The following WNT5B variants were observed in gnomAD, a reference collection of about 807,000 sequenced individuals.
WNT5B encodes protein Wnt-5b.
WNT5B carries 18 observed loss-of-function variants against 36.5 expected under a neutral mutation model. That is an observed-to-expected ratio of 0.49 (90% CI 0.34 to 0.73). WNT5B has a LOEUF of 0.73. Among genes scored for constraint, WNT5B ranks in the 30% least tolerant of loss-of-function variants. The pLI is 0.01. For missense variants in WNT5B, 424 were observed against 508.4 expected (o/e 0.83, Z 1.60); for synonymous variants, 213 against 212.3 (o/e 1.00, Z -0.03).
In WNT5B at chr12:1,644,903, CAGCTG is replaced by C. The variant is rs1348155636; in HGVS notation, c.622-890_622-886del. 4 of 152,216 alleles carry C rather than the reference CAGCTG, an allele frequency of 2.6e-5. No individual in the cohort carries two copies. The highest frequency in any genetic ancestry group is 6.5e-5 in the Admixed American group (1 of 15,284). 9.4% of individuals were successfully genotyped at this position (152,216 alleles called of 1,614,324 possible). On this transcript the variant is annotated intron_variant, in intron 4 of 4. Coordinates refer to ENST00000397196, the MANE Select transcript of WNT5B (RefSeq NM_032642.3). This position sits in a 1 kb window ranked among gnomAD's most constrained non-coding sequence, Gnocchi z 5.1. ...GATGAACCGCTCCTGCAGGCAGGCC[CAGCTG>C]CTTGCAGTTCCCTTGCACGTTGCTT...
Position 1,630,369 on chromosome 12 carries a change from C to CT in WNT5B, c.-57-928dup, listed in dbSNP as rs528892621. 1 of 447,604 alleles carries CT rather than the reference C, an allele frequency of 2.2e-6. No homozygotes were observed. Among genetic ancestry groups the CT allele is most frequent in the Non-Finnish European group, 3.0e-6 (1 of 338,102 alleles). 27.7% of individuals were successfully genotyped at this position (447,604 alleles called of 1,614,324 possible). On this transcript the variant is annotated intron_variant, in intron 1 of 4. Transcript: ENST00000397196. This position sits in a 1 kb window ranked among gnomAD's most constrained non-coding sequence, Gnocchi z 5.3. ...ACTGACCTGCTGCGGGTCCCAGGGC[C>CT]TGGGGACAGGGGCTCTCGGGGGCGG...
intron 3 of WNT5B, among the ~76,000 whole-genome samples, chr12:1,637,891 T>C (rs1038783457): frequency 2.0e-5 from 3 of 152,280 alleles, no homozygotes; most frequent in East Asian, 3.9e-4. Context: ...AGTAAGTACA[T>C]GCTGTTGGAA....
chr12:1,637,581 CA>C (rs61542245), intron 3 of WNT5B, among the ~76,000 whole-genome samples: 81,433 of 110,332 alleles, frequency 0.74, 28,733 homozygotes, highest in East Asian at 0.92. Context: ...ACTAAACATA[CA>C]AAAAAAAAAA....
intron 3 of WNT5B, among the ~76,000 whole-genome samples, chr12:1,638,990 A>G (rs2094567465): frequency 6.6e-6 from 1 of 152,106 alleles, no homozygotes; most frequent in African/African-American, 2.4e-5. Context: ...CCTTAGCCTC[A>G]TTCTGTTCGA....
chr12:1,635,040 C>A (rs1296861149), intron 3 of WNT5B, among the ~76,000 whole-genome samples: 1 of 152,210 alleles, frequency 6.6e-6, no homozygotes, highest in East Asian at 1.9e-4. Flanking sequence ...CATTCTGAAG[C>A]CCCGAATTAT....
chr12:1,642,037 T>C (rs2094576407), intron 4 of WNT5B, among the ~76,000 whole-genome samples: 1 of 152,216 alleles, frequency 6.6e-6, no homozygotes, highest in Admixed American at 6.5e-5. Context: ...GCTATTTTTG[T>C]TTCCCAGAAA....
intron 1 of WNT5B, 65 bp downstream of exon 1, chr12:1,629,436 G>A (rs2094545982): frequency 6.5e-6 from 1 of 152,688 alleles, no homozygotes; most frequent in African/African-American, 2.4e-5. Flanking sequence ...CTATCTGGTG[G>A]TGGAAATGTG....
upstream of WNT5B, among the ~76,000 whole-genome samples, chr12:1,626,314 A>T (rs982907297): frequency 2.3e-4 from 35 of 150,106 alleles, no homozygotes; most frequent in Non-Finnish European, 4.6e-4. Context: ...CCCAGGCTGG[A>T]GTGCAATGGC....
chr12:1,643,006 C>G (rs2094578357), intron 4 of WNT5B, among the ~76,000 whole-genome samples: 1 of 152,308 alleles, frequency 6.6e-6, no homozygotes, highest in African/African-American at 2.4e-5. Flanking sequence ...ACACAAAGTT[C>G]TCCAGCAAGG....
At chr12:1,628,407 C>T (rs1480374760), upstream of WNT5B, among the ~76,000 whole-genome samples, 3 of 152,194 alleles carry the variant, frequency 2.0e-5, no homozygotes, top group Admixed American at 6.5e-5. Flanking sequence ...ATCTGCCCAC[C>T]TTGGCCCCCC....
upstream of WNT5B, among the ~76,000 whole-genome samples, chr12:1,625,953 G>T (rs934086193): frequency 6.7e-6 from 1 of 149,848 alleles, no homozygotes; most frequent in Non-Finnish European, 1.5e-5. Flanking sequence ...ATGAGCCACC[G>T]CACCCTGCCT....
rs575336175 is a variant in WNT5B at position 1,630,290 on chromosome 12, C to T, written c.-58+919C>T. 1.6e-5 allele frequency: 15 copies of T among 950,522 alleles called. No homozygotes were observed. Among genetic ancestry groups the T allele is most frequent in the Non-Finnish European group, 1.9e-5 (15 of 798,104 alleles). 58.9% of individuals were successfully genotyped at this position (950,522 alleles called of 1,614,324 possible). A position where few individuals can be genotyped will look rare whatever the true frequency, so the allele number is the denominator to read the frequency against. ...CGCCCAGACGGGGGCCCCGGAGGAC[C>T]GCGGGGGAGCCGCAGGGGCCGTGTG... is the stretch of plus-strand genomic sequence containing the variant. On this transcript the variant is annotated intron_variant, in intron 1 of 4. Coordinates refer to ENST00000397196, the MANE Select transcript of WNT5B (RefSeq NM_032642.3). The surrounding 1 kb of genome is among the most constrained non-coding windows in gnomAD (Gnocchi z 5.3).
chr12:1,635,494 T>C (rs1289126242), intron 3 of WNT5B, among the ~76,000 whole-genome samples: 1 of 152,226 alleles, frequency 6.6e-6, no homozygotes, highest in Non-Finnish European at 1.5e-5. Flanking sequence ...GTATTTCAGC[T>C]TAATACAAGA....
Position 1,633,310 on chromosome 12 carries a change from T to C in WNT5B, c.328+405T>C, listed in dbSNP as rs2094554578. ...GGTAGAGAACCAGAAATTGCAGCCC[T>C]GAATGTCTGTTGGATTTTTGCCTCT... On this transcript the variant is annotated intron_variant, in intron 3 of 4. Coordinates refer to ENST00000397196, the MANE Select transcript of WNT5B (RefSeq NM_032642.3). This position sits in a 1 kb window ranked among gnomAD's most constrained non-coding sequence, Gnocchi z 4.8. 6.6e-6 allele frequency among the ~76,000 whole-genome samples: 1 copy of C among 152,206 alleles called. No homozygotes were observed. The highest frequency in any genetic ancestry group is 6.5e-5 in the Admixed American group (1 of 15,274).
intron 3 of WNT5B, among the ~76,000 whole-genome samples, chr12:1,636,446 C>T (rs1469063505): frequency 2.1e-5 from 3 of 141,052 alleles, no homozygotes; most frequent in Non-Finnish European, 3.0e-5. Flanking sequence ...CCTTTGGTGA[C>T]GGGCTCCTTT....
In WNT5B at chr12:1,623,187, G is replaced by GTTGTTTTT. The variant is rs1555156806; in HGVS notation, c.-58+6046_-58+6047insGTTTTTTT. On this transcript the variant is annotated intron_variant, in intron 1 of 4. Transcript: ENST00000310594. ...GGAAACCTTTGAAGGGTTTTTTGTTGTTTTTTTTTTTTTTTTTTTTTTTTT... is the reference window on the plus strand; with the variant it reads ...GGAAACCTTTGAAGGGTTTTTTGTTGTTGTTTTTTTTTTTTTTTTTTTTTTTTTTTTTT... Among the ~76,000 whole-genome samples the GTTGTTTTT allele has an allele frequency of 6.3e-4, 37 of 58,382 alleles. 2 individuals carry two copies. Among genetic ancestry groups the GTTGTTTTT allele is most frequent in the African/African-American group, 2.7e-3 (37 of 13,902 alleles). 38.3% of individuals were successfully genotyped at this position (58,382 alleles called of 152,430 possible). A position where few individuals can be genotyped will look rare whatever the true frequency, so the allele number is the denominator to read the frequency against.
chr12:1,620,299 A>G (rs980342191), intron 1 of WNT5B, among the ~76,000 whole-genome samples: 1 of 152,186 alleles, frequency 6.6e-6, no homozygotes, highest in South Asian at 2.1e-4. Flanking sequence ...TGGGTCCCCA[A>G]ACAAGATAGT....
In WNT5B at chr12:1,639,706, C is replaced by T. The variant is rs1442579149; in HGVS notation, c.351C>T (p.Thr117=). The change falls in exon 4 of 5, where the codon ACC becomes ACT. Residue 117 remains threonine, a synonymous_variant. Transcript: ENST00000397196. ...MQIGSRETAF[T]HAVSAAGVVN... is the part of the protein sequence containing the mutation. ...CAGGCAGCCGAGAGACCGCCTTCACCCACGCGGTGAGCGCCGCGGGCGTGG... is the reference window on the plus strand; with the variant it reads ...CAGGCAGCCGAGAGACCGCCTTCACTCACGCGGTGAGCGCCGCGGGCGTGG... The T allele has an allele frequency of 6.3e-6, 10 of 1,580,076 alleles. No individual in the cohort carries two copies. Among genetic ancestry groups the T allele is most frequent in the African/African-American group, 5.4e-5 (4 of 73,782 alleles).
intron 1 of WNT5B, among the ~76,000 whole-genome samples, chr12:1,619,720 C>T (rs1211963584): frequency 6.6e-6 from 1 of 152,040 alleles, no homozygotes; most frequent in Non-Finnish European, 1.5e-5. Flanking sequence ...AGAGAGGAAG[C>T]GAAATGCTGA....
Sources: allele counts gnomAD v4.1 joint callset (sites outside exome capture counted in the v4.1 genomes callset), GRCh38; gene constraint gnomAD v4.1.1; non-coding constraint Gnocchi (gnomAD v3.1); transcripts MANE v1.5; gene names NCBI Gene and HGNC (gene_info 2026-07-23, HGNC 2026-07-21).